Variants in CCSER1 observed in about 807,000 individuals in gnomAD.
CCSER1 encodes the protein coiled-coil serine rich protein 1.
Under a neutral mutation model 82.0 loss-of-function variants are expected in CCSER1, and 41 were observed. The ratio of observed to expected loss-of-function variants is 0.50; its 90% confidence interval spans 0.39 to 0.65. The LOEUF (loss-of-function observed/expected upper bound fraction) is 0.65, where lower values mean the gene tolerates loss of function less well. CCSER1 is among the 30% of genes least tolerant of loss of function. CCSER1 has a pLI of 0.00. For synonymous variants in CCSER1, 414 were observed against 383.9 expected (o/e 1.08, Z -0.92); for missense variants, 1,119 against 1,064.2 (o/e 1.05, Z -0.72).
chr4:90,454,846 C>T (rs1208761155), intron 4 of CCSER1, among the ~76,000 whole-genome samples: 1 of 152,180 alleles, frequency 6.6e-6, no homozygotes, highest in Non-Finnish European at 1.5e-5. Flanking sequence ...CAAGATCTCT[C>T]TTAATCTGCC....
intron 5 of CCSER1, among the ~76,000 whole-genome samples, chr4:90,596,686 TA>T (rs1488467732): frequency 6.6e-6 from 1 of 151,606 alleles, no homozygotes; most frequent in African/African-American, 2.4e-5. Flanking sequence ...AATATCTCTG[TA>T]AAAGTAATTG....
chr4:91,362,043 A>T (rs1162754003), intron 10 of CCSER1, among the ~76,000 whole-genome samples: 2 of 151,878 alleles, frequency 1.3e-5, no homozygotes, highest in Non-Finnish European at 1.5e-5. Context: ...GGTAAAAGAA[A>T]GCAATGAAGG....
intron 5 of CCSER1, among the ~76,000 whole-genome samples, chr4:90,497,433 G>A (rs2153609485): frequency 6.6e-6 from 1 of 152,252 alleles, no homozygotes; most frequent in South Asian, 2.1e-4. Context: ...TGTATGGAGA[G>A]TATTTTGTTC....
chr4:91,408,960 G>T (rs1752866871), intron 10 of CCSER1, among the ~76,000 whole-genome samples: 1 of 152,142 alleles, frequency 6.6e-6, no homozygotes, highest in Admixed American at 6.5e-5. Context: ...GGGTGTTCAT[G>T]ATCACAACCT....
At chr4:91,249,962 A>C (rs1349273355) in intron 10 of CCSER1, among the ~76,000 whole-genome samples, 3 of 151,894 alleles carry the variant, frequency 2.0e-5, no homozygotes, top group South Asian at 4.2e-4. Flanking sequence ...AAAAAAAAAA[A>C]CAGCTTTCTC....
chr4:90,615,872 C>G (rs1184069920), intron 5 of CCSER1, among the ~76,000 whole-genome samples: 1 of 152,076 alleles, frequency 6.6e-6, no homozygotes, highest in Non-Finnish European at 1.5e-5. Flanking sequence ...TTGCATGCTA[C>G]AGAGAAATCT....
At chr4:90,425,338 CAG>C (rs1475727877) in intron 4 of CCSER1, among the ~76,000 whole-genome samples, 2 of 151,810 alleles carry the variant, frequency 1.3e-5, no homozygotes, top group South Asian at 2.1e-4. Flanking sequence ...AAGAGAGAGA[CAG>C]AGAGTATTCA....
At chr4:90,460,093 A>G (rs113565540) in intron 4 of CCSER1, among the ~76,000 whole-genome samples, 16,274 of 146,468 alleles carry the variant, frequency 0.11, 1,585 homozygotes, top group African/African-American at 0.24. Context: ...TTGGGAGGCC[A>G]AGACGGGCGG....
chr4:91,301,091 C>T (rs1744631415), intron 10 of CCSER1, among the ~76,000 whole-genome samples: 1 of 151,766 alleles, frequency 6.6e-6, no homozygotes, highest in African/African-American at 2.4e-5. Context: ...ATTATGCATA[C>T]ATAATATGCA....
At chr4:91,002,273 G>A (rs1240438221) in intron 9 of CCSER1, among the ~76,000 whole-genome samples, 1 of 152,174 alleles carries the variant, frequency 6.6e-6, no homozygotes, top group Non-Finnish European at 1.5e-5. Context: ...TGTTCTTTGT[G>A]CTTCTTGTAT....
intron 10 of CCSER1, among the ~76,000 whole-genome samples, chr4:91,163,369 A>T (rs1293431846): frequency 1.3e-5 from 2 of 151,914 alleles, no homozygotes; most frequent in Non-Finnish European, 2.9e-5. Context: ...TCAATTTTGG[A>T]ATAAGTGTGA....
chr4:91,564,724 A>T (rs1762802884), intron 10 of CCSER1, among the ~76,000 whole-genome samples: 1 of 151,376 alleles, frequency 6.6e-6, no homozygotes, highest in Admixed American at 6.6e-5. Flanking sequence ...CCACTTTTTA[A>T]TGCTATTGTT....
intron 7 of CCSER1, among the ~76,000 whole-genome samples, chr4:90,808,556 T>A (rs1323984937): frequency 6.6e-6 from 1 of 151,414 alleles, no homozygotes; most frequent in Non-Finnish European, 1.5e-5. Context: ...AAATAAATAA[T>A]CCCATCAAAA....
At chr4:91,007,913 A>G (rs989560332) in intron 9 of CCSER1, among the ~76,000 whole-genome samples, 3 of 152,028 alleles carry the variant, frequency 2.0e-5, no homozygotes, top group Admixed American at 2.0e-4. Context: ...CTTTTGCTGT[A>G]TCCCATAGGT....
At chr4:91,282,106 A>G (rs1528566) in intron 10 of CCSER1, among the ~76,000 whole-genome samples, 2 of 152,086 alleles carry the variant, frequency 1.3e-5, no homozygotes, top group African/African-American at 4.8e-5. Flanking sequence ...ATAACTTTTT[A>G]AAAAAATCAG....
chr4:90,636,687 T>G (rs1243748803), intron 6 of CCSER1, among the ~76,000 whole-genome samples: 1 of 152,094 alleles, frequency 6.6e-6, no homozygotes, highest in Non-Finnish European at 1.5e-5. Context: ...AAACCTCAGT[T>G]TACTGGTAGT....
At position 91,162,495 on chromosome 4, in the gene CCSER1, A is replaced by G. The variant is rs1289102264; in HGVS notation, c.2217+76501A>G. ...TTTTTCTATTGATTGGAATATTTTC[A>G]GAAGGAATGGTACCAGCTCCTCCTT... On this transcript the variant is annotated intron_variant, in intron 10 of 10. Transcript: ENST00000509176. Among the ~76,000 whole-genome samples the G allele has an allele frequency of 2.6e-5, 4 of 152,170 alleles. No individual in the cohort carries two copies. In the East Asian group the frequency reaches 7.7e-4, roughly 29 times the overall value.
intron 8 of CCSER1, among the ~76,000 whole-genome samples, chr4:90,920,134 G>A (rs1263614239): frequency 6.6e-6 from 1 of 151,854 alleles, no homozygotes; most frequent in Admixed American, 6.6e-5. Context: ...ATCACATGGT[G>A]TAAATTCATT....
chr4:90,752,917 T>A (rs1177616068), intron 7 of CCSER1, among the ~76,000 whole-genome samples: 2 of 152,072 alleles, frequency 1.3e-5, no homozygotes, highest in Non-Finnish European at 2.9e-5. Flanking sequence ...TCTATCCAAG[T>A]CTCCAAATCC....
Sources: allele counts gnomAD v4.1 joint callset (sites outside exome capture counted in the v4.1 genomes callset), GRCh38; gene constraint gnomAD v4.1.1; transcripts MANE v1.5; gene names NCBI Gene and HGNC (gene_info 2026-07-23, HGNC 2026-07-21).